Variants in NXPH1 observed in about 807,000 individuals in gnomAD.
NXPH1 encodes the protein neurexophilin-1.
NXPH1 carries 5 observed loss-of-function variants against 23.7 expected under a neutral mutation model. The ratio of observed to expected loss-of-function variants is 0.21; its 90% confidence interval spans 0.11 to 0.44. The LOEUF (loss-of-function observed/expected upper bound fraction) is 0.44. NXPH1 is among the 20% of genes least tolerant of loss of function. The probability of loss-of-function intolerance (pLI) is 0.99; values close to 1 mark genes in which losing one functional copy is unlikely to be tolerated. For synonymous variants in NXPH1, 144 were observed against 122.2 expected (o/e 1.18, Z -1.18); for missense variants, 324 against 321.6 (o/e 1.01, Z -0.06).
At chr7:8,536,151 T>G (rs1301433558) in intron 2 of NXPH1, among the ~76,000 whole-genome samples, 2 of 152,078 alleles carry the variant, frequency 1.3e-5, no homozygotes, top group African/African-American at 4.8e-5. Flanking sequence ...TGTTGCTCTG[T>G]TAACCTTTGC....
chr7:8,578,287 A>G lies in NXPH1; in HGVS notation c.54+142520A>G, dbSNP rs574926068. Among the ~76,000 whole-genome samples, 6 of 152,334 alleles carry G rather than the reference A, an allele frequency of 3.9e-5. No homozygotes were observed. In the East Asian group the frequency reaches 7.7e-4, roughly 20 times the overall value. On this transcript the variant is annotated intron_variant, in intron 2 of 2. Transcript: ENST00000405863. ...TGAAAAGGTCAAATTCAAAATTTGA[A>G]GTACAGTTTCCATTGAATGTGTCTC...
intron 2 of NXPH1, among the ~76,000 whole-genome samples, chr7:8,445,664 A>G (rs988719704): frequency 5.3e-5 from 8 of 152,256 alleles, no homozygotes; most frequent in Non-Finnish European, 1.0e-4. Flanking sequence ...TTTTTCATTT[A>G]CAGATTACAC....
At chr7:8,569,156 G>T (rs546486656) in intron 2 of NXPH1, among the ~76,000 whole-genome samples, 1 of 151,674 alleles carries the variant, frequency 6.6e-6, no homozygotes, top group African/African-American at 2.4e-5. Context: ...AATAACTCTG[G>T]ACATGGAGAG....
In NXPH1 at chr7:8,502,651, C is replaced by A. The variant is rs10225146; in HGVS notation, c.54+66884C>A. Among the ~76,000 whole-genome samples the A allele has an allele frequency of 5.1e-4, 77 of 151,694 alleles. 1 individual carries two copies. The highest frequency in any genetic ancestry group is 1.8e-3 in the African/African-American group (73 of 41,342). Reference sequence around the variant, plus strand: ...GAGGAGTAGCAAGTATAGGAGCACTCACTATGCCCAGGCTGAGATAGAGCT... The same window carrying A: ...GAGGAGTAGCAAGTATAGGAGCACTAACTATGCCCAGGCTGAGATAGAGCT... On this transcript the variant is annotated intron_variant, in intron 2 of 2. Coordinates refer to ENST00000405863, the MANE Select transcript of NXPH1 (RefSeq NM_152745.3).
At chr7:8,524,459 T>C (rs541990574) in intron 2 of NXPH1, among the ~76,000 whole-genome samples, 278 of 152,234 alleles carry the variant, frequency 1.8e-3, no homozygotes, top group African/African-American at 6.2e-3. Context: ...GTCCCATTTT[T>C]TCCTTCCTTA....
At chr7:8,631,130 G>T (rs1459639249) in intron 2 of NXPH1, among the ~76,000 whole-genome samples, 1 of 152,104 alleles carries the variant, frequency 6.6e-6, no homozygotes, top group Non-Finnish European at 1.5e-5. Context: ...TGGCTGCATA[G>T]TATTCTATGG....
intron 2 of NXPH1, among the ~76,000 whole-genome samples, chr7:8,655,592 GTA>G: frequency 1.5e-5 from 1 of 65,820 alleles, no homozygotes; most frequent in Non-Finnish European, 3.4e-5. Flanking sequence ...GTGTGTGTGT[GTA>G]TGTTTATGTG....
chr7:8,703,331 T>C (rs1779656459), intron 2 of NXPH1, among the ~76,000 whole-genome samples: 1 of 152,090 alleles, frequency 6.6e-6, no homozygotes, highest in East Asian at 1.9e-4. Context: ...TAGTGTTCCA[T>C]TCATGCTTTC....
At chr7:8,679,236 C>T (rs1368259851) in intron 2 of NXPH1, among the ~76,000 whole-genome samples, 3 of 151,906 alleles carry the variant, frequency 2.0e-5, no homozygotes, top group South Asian at 2.1e-4. Flanking sequence ...TGTGAGCCAC[C>T]GCGCCCAGCC....
intron 2 of NXPH1, among the ~76,000 whole-genome samples, chr7:8,734,489 A>G (rs1780212808): frequency 6.6e-6 from 1 of 151,822 alleles, no homozygotes; most frequent in Non-Finnish European, 1.5e-5. Context: ...CACAATATTG[A>G]CTCTTCCTAT....
At chr7:8,706,563 C>G (rs1779710449) in intron 2 of NXPH1, among the ~76,000 whole-genome samples, 1 of 152,172 alleles carries the variant, frequency 6.6e-6, no homozygotes, top group South Asian at 2.1e-4. Flanking sequence ...AGAGAACAGG[C>G]TCAGAACAAC....
At chr7:8,562,511 G>C (rs1182222158) in intron 2 of NXPH1, among the ~76,000 whole-genome samples, 2 of 148,980 alleles carry the variant, frequency 1.3e-5, no homozygotes, top group Non-Finnish European at 3.0e-5. Context: ...ATAATGAAAT[G>C]AGTTTTTTTT....
At chr7:8,672,939 G>A (rs1820893765) in intron 2 of NXPH1, among the ~76,000 whole-genome samples, 2 of 152,164 alleles carry the variant, frequency 1.3e-5, no homozygotes, top group Non-Finnish European at 2.9e-5. Context: ...TTTTGAATGA[G>A]GCAGACCTGG....
At chr7:8,460,487 A>G (rs1816674052) in intron 2 of NXPH1, among the ~76,000 whole-genome samples, 2 of 152,168 alleles carry the variant, frequency 1.3e-5, no homozygotes, top group Admixed American at 1.3e-4. Context: ...TCCTCTTTGC[A>G]TGGCACTCTC....
chr7:8,616,666 G>C (rs143066892), intron 2 of NXPH1, among the ~76,000 whole-genome samples: 100 of 152,046 alleles, frequency 6.6e-4, no homozygotes, highest in African/African-American at 2.4e-3. Context: ...GCAGCCAGGG[G>C]GGACTGAGGG....
At chr7:8,666,469 C>T (rs1820768907) in intron 2 of NXPH1, among the ~76,000 whole-genome samples, 1 of 151,826 alleles carries the variant, frequency 6.6e-6, no homozygotes, top group Non-Finnish European at 1.5e-5. Context: ...ATTTATGTTC[C>T]CCAGGGATAT....
At chr7:8,547,502 T>G (rs1449320099) in intron 2 of NXPH1, among the ~76,000 whole-genome samples, 1 of 151,358 alleles carries the variant, frequency 6.6e-6, no homozygotes, top group African/African-American at 2.4e-5. Context: ...TTATTTTAGA[T>G]TCAGGTGGTA....
At chr7:8,681,456 A>G (rs1177148875) in intron 2 of NXPH1, among the ~76,000 whole-genome samples, 1 of 152,206 alleles carries the variant, frequency 6.6e-6, no homozygotes, top group Non-Finnish European at 1.5e-5. Context: ...ATTGTAATAT[A>G]TAGTTCAATG....
intron 2 of NXPH1, among the ~76,000 whole-genome samples, chr7:8,584,487 T>G (rs1818941756): frequency 6.6e-6 from 1 of 152,140 alleles, no homozygotes; most frequent in Non-Finnish European, 1.5e-5. Flanking sequence ...GGATAAAAGA[T>G]GAATAAGATT....
Sources: allele counts gnomAD v4.1 joint callset (sites outside exome capture counted in the v4.1 genomes callset), GRCh38; gene constraint gnomAD v4.1.1; transcripts MANE v1.5; gene names NCBI Gene and HGNC (gene_info 2026-07-23, HGNC 2026-07-21).